PAK1: variants seen among roughly 807,000 people sequenced by gnomAD.
PAK1 encodes serine/threonine-protein kinase PAK 1.
PAK1 carries 29 observed loss-of-function variants against 67.4 expected under a neutral mutation model. That is an observed-to-expected ratio of 0.43 (90% CI 0.32 to 0.59). The LOEUF is 0.59. Among genes scored for constraint, PAK1 ranks in the 20% least tolerant of loss-of-function variants. The pLI, the probability that PAK1 is intolerant of heterozygous loss-of-function variation, is 0.07. For synonymous variants in PAK1, 223 were observed against 237.4 expected (o/e 0.94, Z 0.56); for missense variants, 337 against 670.7 (o/e 0.50, Z 5.50).
At chr11:77,359,149 C>A in intron 5 of PAK1, 132 bp from the exon 6 acceptor site, 1 of 761,494 alleles carries the variant, frequency 1.3e-6, no homozygotes, top group Non-Finnish European at 2.1e-6. Flanking sequence ...TCCAAGCTCT[C>A]ACCTTTGTGT....
chr11:77,405,217 G>T (rs903829403), intron 1 of PAK1, among the ~76,000 whole-genome samples: 1 of 152,202 alleles, frequency 6.6e-6, no homozygotes, highest in Non-Finnish European at 1.5e-5. Context: ...AGAGAAATAT[G>T]GTAAGCGACT....
At chr11:77,349,401 A>C (rs111535400) in intron 8 of PAK1, 114 bp from the exon 9 acceptor site, 1 of 781,066 alleles carries the variant, frequency 1.3e-6, no homozygotes, top group Non-Finnish European at 2.2e-6. Flanking sequence ...AGAGCAGTAA[A>C]AATAATCCTC....
At chr11:77,410,982 A>G (rs1954438809) in intron 1 of PAK1, among the ~76,000 whole-genome samples, 1 of 151,952 alleles carries the variant, frequency 6.6e-6, no homozygotes, top group Non-Finnish European at 1.5e-5. Flanking sequence ...GGACAGAAAA[A>G]CTGGCCAGTT....
At chr11:77,444,286 T>TAAAA (rs142183219) in intron 1 of PAK1, among the ~76,000 whole-genome samples, 5 of 116,792 alleles carry the variant, frequency 4.3e-5, no homozygotes, top group Non-Finnish European at 3.6e-5. Context: ...TGGAGAGCTC[T>TAAAA]AAAAAAAAAA....
At chr11:77,380,455 T>C (rs1478571415) in intron 2 of PAK1, among the ~76,000 whole-genome samples, 1 of 152,274 alleles carries the variant, frequency 6.6e-6, no homozygotes, top group East Asian at 1.9e-4. Flanking sequence ...ATCACGCCAC[T>C]GCATTCCAGC....
At chr11:77,446,309 C>T (rs1956597717) in intron 1 of PAK1, among the ~76,000 whole-genome samples, 1 of 151,930 alleles carries the variant, frequency 6.6e-6, no homozygotes, top group Non-Finnish European at 1.5e-5. Context: ...GCCAGGAGTT[C>T]GAGACCAGCC....
At chr11:77,396,949 A>G (rs1951909996) in intron 1 of PAK1, 1 of 152,212 alleles carries the variant, frequency 6.6e-6, no homozygotes, top group Non-Finnish European at 1.5e-5. Flanking sequence ...AACCTGTACC[A>G]TTTTAAACTT....
intron 1 of PAK1, among the ~76,000 whole-genome samples, chr11:77,454,867 G>C (rs1256145240): frequency 6.6e-6 from 1 of 152,120 alleles, no homozygotes; most frequent in Non-Finnish European, 1.5e-5. Context: ...TCAGTACCTG[G>C]CATGTCCCTA....
chr11:77,404,515 C>T (rs1186273283), intron 1 of PAK1, among the ~76,000 whole-genome samples: 1 of 152,156 alleles, frequency 6.6e-6, no homozygotes, highest in Non-Finnish European at 1.5e-5. Context: ...GATCCACCCA[C>T]CTCGGCCTCC....
intron 1 of PAK1, among the ~76,000 whole-genome samples, chr11:77,409,332 A>G (rs1169558733): frequency 6.6e-6 from 1 of 152,162 alleles, no homozygotes; most frequent in Non-Finnish European, 1.5e-5. Flanking sequence ...GAGAAAGAGG[A>G]ACCCTCATAT....
chr11:77,403,985 C>T (rs1015613507), intron 1 of PAK1, among the ~76,000 whole-genome samples: 3 of 152,126 alleles, frequency 2.0e-5, no homozygotes, highest in Non-Finnish European at 4.4e-5. Context: ...GATGAGTTCA[C>T]CCCCACTTCC....
rs369891090 is a variant in PAK1 at position 77,469,051 on chromosome 11, C to G, written c.-22+4501G>C. Among the ~76,000 whole-genome samples, 83 of 152,190 alleles carry G rather than the reference C, an allele frequency of 5.5e-4. No homozygotes were observed. In the South Asian group the frequency reaches 0.012, roughly 23 times the overall value. ...TCTGTCTTCACCAAGCCTTCTAATA[C>G]ACACACAAAAAAAACATACCAAATG... On this transcript the variant is annotated intron_variant, in intron 1 of 14. Transcript: ENST00000356341.
Position 77,379,931 on chromosome 11 carries a change from A to G in PAK1, c.254T>C (p.Ile85Thr). The change falls in exon 3 of 15, where the codon ATT (isoleucine) becomes ACT (threonine). Residue 85 changes from isoleucine to threonine, a missense_variant. Physicochemically the swap from Ile to Thr is moderately conservative, Grantham distance 89. This residue lies in a region of PAK1 where 43 missense variants were observed against 141.5 expected (regional missense o/e 0.30). Transcript: ENST00000356341. ...TGTGACAGCATCAAAACCGACATGA[A>G]TTGTGTGTTCAAAATCTGAAGGGAG... ...ISLPSDFEHT[I>T]HVGFDAVTGE... is the part of the protein sequence containing the mutation. 6.2e-7 allele frequency: 1 copy of G among 1,614,012 alleles called. No homozygotes were observed. Among genetic ancestry groups the G allele is most frequent in the Non-Finnish European group, 8.5e-7 (1 of 1,179,930 alleles).
At chr11:77,404,736 T>C (rs1592301489) in intron 1 of PAK1, among the ~76,000 whole-genome samples, 1 of 152,348 alleles carries the variant, frequency 6.6e-6, no homozygotes, top group Admixed American at 6.5e-5. Context: ...CTCTTATCCC[T>C]GTATTCCTTC....
chr11:77,508,559 C>T, the PAK1 span, among the ~76,000 whole-genome samples: 3 of 152,188 alleles, frequency 2.0e-5, no homozygotes, highest in South Asian at 4.1e-4. Flanking sequence ...AATTCTAAAG[C>T]TCAGAGCAGC....
At chr11:77,442,822 C>T (rs778818478) in intron 1 of PAK1, among the ~76,000 whole-genome samples, 4 of 152,056 alleles carry the variant, frequency 2.6e-5, no homozygotes, top group Non-Finnish European at 5.9e-5. Flanking sequence ...AAAGTCCAGC[C>T]GAAATGAAAC....
At chr11:77,528,878 T>C in the PAK1 span, among the ~76,000 whole-genome samples, 17 of 152,344 alleles carry the variant, frequency 1.1e-4, no homozygotes, top group East Asian at 5.8e-4. Context: ...GGCAAGAATA[T>C]TTCTTAATTG....
chr11:77,505,195 C>CTT, the PAK1 span, among the ~76,000 whole-genome samples: 35 of 149,678 alleles, frequency 2.3e-4, no homozygotes, highest in East Asian at 7.8e-4. Context: ...TTTTCTTTTT[C>CTT]TTTTTTTTTT....
chr11:77,492,460 G>C, the PAK1 span, among the ~76,000 whole-genome samples: 1 of 151,316 alleles, frequency 6.6e-6, no homozygotes, highest in Non-Finnish European at 1.5e-5. Context: ...AATGCAATAG[G>C]AACCCAGAGA....
Sources: gnomAD v4.1 joint callset for allele counts (sites outside exome capture counted in the v4.1 genomes callset) on GRCh38, gnomAD v4.1.1 for gene constraint, gnomAD v4.1.1 regional missense constraint, MANE v1.5 for transcripts, NCBI Gene and HGNC (gene_info 2026-07-23, HGNC 2026-07-21) for gene names.